Variants in MED27 observed in about 807,000 individuals in gnomAD.
MED27 encodes the protein mediator complex subunit 27.
In MED27, 30 loss-of-function variants were observed where a neutral mutation model predicts 38.2. The observed-to-expected ratio is 0.79, with a 90% confidence interval of 0.59 to 1.07. The LOEUF is 1.07. Among genes scored for constraint, MED27 ranks in the 50% least tolerant of loss-of-function variants. The pLI is 0.00. For missense variants in MED27, 289 were observed against 397.5 expected (o/e 0.73, Z 2.32); for synonymous variants, 122 against 153.5 (o/e 0.79, Z 1.52).
At chr9:131,998,511 C>A (rs1285747573) in intron 3 of MED27, among the ~76,000 whole-genome samples, 1 of 152,128 alleles carries the variant, frequency 6.6e-6, no homozygotes, top group Admixed American at 6.5e-5. Context: ...TCTGGCTCTT[C>A]CAGGTCTGGG....
chr9:132,034,596 C>G (rs1269718365), intron 2 of MED27, among the ~76,000 whole-genome samples: 2 of 152,188 alleles, frequency 1.3e-5, no homozygotes, highest in Non-Finnish European at 2.9e-5. Context: ...AAGAATGGAA[C>G]CTCAGCGCGA....
intron 3 of MED27, among the ~76,000 whole-genome samples, chr9:131,967,395 A>G (rs1401524184): frequency 6.6e-6 from 1 of 152,204 alleles, no homozygotes; most frequent in Non-Finnish European, 1.5e-5. Context: ...AAACTGAAGT[A>G]TAGATTTTAA....
Position 132,069,974 on chromosome 9 carries a change from C to T in MED27, c.348+7468G>A, listed in dbSNP as rs778085061. Among the ~76,000 whole-genome samples, 68 of 152,338 alleles carry T rather than the reference C, an allele frequency of 4.5e-4. 1 individual carries two copies. The highest frequency in any genetic ancestry group is 2.7e-3 in the Admixed American group (41 of 15,306). On this transcript the variant is annotated intron_variant, in intron 2 of 7. Coordinates refer to ENST00000292035, the MANE Select transcript of MED27 (RefSeq NM_004269.4). ...GAATAAAGGACAGTCGCCGCAAGCACGCCACACTGGGCACCGGCCTAGGTC... is the reference window on the plus strand; with the variant it reads ...GAATAAAGGACAGTCGCCGCAAGCATGCCACACTGGGCACCGGCCTAGGTC...
At chr9:132,029,894 G>A (rs917903148) in intron 2 of MED27, among the ~76,000 whole-genome samples, 1 of 152,044 alleles carries the variant, frequency 6.6e-6, no homozygotes, top group Admixed American at 6.5e-5. Context: ...GGGGAGCAGA[G>A]CATGGCCCAA....
intron 2 of MED27, among the ~76,000 whole-genome samples, chr9:132,068,518 C>T (rs920693085): frequency 4.6e-5 from 7 of 152,018 alleles, no homozygotes; most frequent in African/African-American, 1.7e-4. Flanking sequence ...TTGCCCTGAG[C>T]AATAATGGAG....
At position 131,896,931 on chromosome 9, in the gene MED27, C is replaced by T. The variant is rs1025863062; in HGVS notation, c.574-2939G>A. 2.5e-4 allele frequency among the ~76,000 whole-genome samples: 38 copies of T among 152,128 alleles called. 1 individual carries two copies. Among genetic ancestry groups the T allele is most frequent in the African/African-American group, 8.9e-4 (37 of 41,408 alleles). On this transcript the variant is annotated intron_variant, in intron 4 of 7. Coordinates refer to ENST00000292035, the MANE Select transcript of MED27 (RefSeq NM_004269.4). The stretch of plus-strand genomic sequence containing the variant: ...ATTTTTAGTAGAGACGGGGTTTCAC[C>T]ATGTTGACCAGGCTGGTCTTGAACT...
intron 3 of MED27, among the ~76,000 whole-genome samples, chr9:131,980,958 AC>A (rs1831723272): frequency 6.6e-6 from 1 of 152,182 alleles, no homozygotes; most frequent in South Asian, 2.1e-4. Context: ...CAAATTTTTG[AC>A]AGAATTTGCA....
chr9:131,912,048 G>A (rs952185222), intron 4 of MED27, among the ~76,000 whole-genome samples: 1 of 152,142 alleles, frequency 6.6e-6, no homozygotes, highest in Non-Finnish European at 1.5e-5. Context: ...AGGCAAGGGG[G>A]CTAAGCCTAC....
chr9:131,956,948 G>A (rs1364733045), intron 3 of MED27, among the ~76,000 whole-genome samples: 7 of 152,050 alleles, frequency 4.6e-5, no homozygotes, highest in African/African-American at 7.3e-5. Context: ...CACCTAAAAG[G>A]AGGCTCAACA....
At chr9:131,945,564 A>T (rs776755112) in intron 3 of MED27, among the ~76,000 whole-genome samples, 10 of 152,078 alleles carry the variant, frequency 6.6e-5, no homozygotes, top group Non-Finnish European at 1.0e-4. Context: ...TTGAAATTTT[A>T]TATCTTTTGA....
At position 131,926,638 on chromosome 9, in the gene MED27, G is replaced by A. The variant is rs931135465; in HGVS notation, c.573+12743C>T. On this transcript the variant is annotated intron_variant, in intron 4 of 7. Transcript: ENST00000292035. Reference sequence around the variant, plus strand: ...AGCCTGAGCACTATTGAACTCAGTGGAGAAATCAAGGCCCCAAATAATTAA... The same window carrying A: ...AGCCTGAGCACTATTGAACTCAGTGAAGAAATCAAGGCCCCAAATAATTAA... Among the ~76,000 whole-genome samples the A allele has an allele frequency of 2.0e-5, 3 of 152,220 alleles. No individual in the cohort carries two copies. In the East Asian group the frequency reaches 5.8e-4, roughly 29 times the overall value.
intron 4 of MED27, among the ~76,000 whole-genome samples, chr9:131,897,861 G>C (rs1829860707): frequency 6.6e-6 from 1 of 152,196 alleles, no homozygotes. Flanking sequence ...GCTCGTATCA[G>C]GATCCAAATA....
At chr9:131,950,444 T>C (rs948968909) in intron 3 of MED27, among the ~76,000 whole-genome samples, 1 of 152,208 alleles carries the variant, frequency 6.6e-6, no homozygotes, top group African/African-American at 2.4e-5. Context: ...TGGCACCTCT[T>C]GGCAATGCTC....
At chr9:131,891,929 C>T (rs991328047) in intron 5 of MED27, among the ~76,000 whole-genome samples, 6 of 152,162 alleles carry the variant, frequency 3.9e-5, no homozygotes, top group South Asian at 4.2e-4. Context: ...CAGCCTAGAC[C>T]GGCGGGATGA....
At position 132,079,694 on chromosome 9, in the gene MED27, C is replaced by T. The variant is rs755215179; in HGVS notation, c.151G>A (p.Ala51Thr). 36 of 1,613,142 alleles carry T rather than the reference C, an allele frequency of 2.2e-5. No homozygotes were observed. Among genetic ancestry groups the T allele is most frequent in the African/African-American group, 9.3e-5 (7 of 74,900 alleles). Reference protein sequence around the residue: ...NKETLEGREKAFIAHFQDNLH... With the variant: ...NKETLEGREKTFIAHFQDNLH... ...TTGTCCTGGAAGTGCGCAATAAAGGCCTTCTCCCGGCCCTCCAGCGTCTCC... is the reference window on the plus strand; with the variant it reads ...TTGTCCTGGAAGTGCGCAATAAAGGTCTTCTCCCGGCCCTCCAGCGTCTCC... Residue 51 changes from alanine (A) to threonine (T), a missense_variant, in exon 1 of 8, where the codon GCC (alanine) becomes ACC (threonine). By Grantham distance (58) the Ala-to-Thr change is moderately conservative. Coordinates refer to ENST00000292035, the MANE Select transcript of MED27 (RefSeq NM_004269.4).
intron 3 of MED27, among the ~76,000 whole-genome samples, chr9:131,965,891 T>C (rs1831328471): frequency 6.6e-6 from 1 of 151,850 alleles, no homozygotes; most frequent in South Asian, 2.1e-4. Flanking sequence ...AATTCTCTTT[T>C]TAAATTAACA....
At chr9:131,884,179 A>G (rs1564268018) in intron 5 of MED27, 80 bp from the exon 6 acceptor site, 7 of 1,117,592 alleles carry the variant, frequency 6.3e-6, no homozygotes, top group Non-Finnish European at 8.9e-6. Context: ...AACTACTGTT[A>G]ACCCTTCTTA....
rs545701056 is a variant in MED27 at position 132,001,822 on chromosome 9, C to A, written c.479+12515G>T. Among the ~76,000 whole-genome samples the A allele has an allele frequency of 1.2e-3, 184 of 152,352 alleles. 4 individuals are homozygous for A. Among genetic ancestry groups the A allele is most frequent in the Admixed American group, 0.012 (182 of 15,308 alleles). Reference sequence around the variant, plus strand: ...ACAACTCTTGGCCCAGAGCCTCCATCGCTGGAGCAATCCTCGTACCCCTTC... The same window carrying A: ...ACAACTCTTGGCCCAGAGCCTCCATAGCTGGAGCAATCCTCGTACCCCTTC... On this transcript the variant is annotated intron_variant, in intron 3 of 7. Transcript: ENST00000292035.
intron 6 of MED27, 141 bp from the exon 7 acceptor site, chr9:131,863,281 A>G (rs1838681734): frequency 1.5e-6 from 1 of 689,404 alleles, no homozygotes. Context: ...AAATCTCTGT[A>G]GAAAAATTAG....
Sources: gnomAD v4.1 joint callset for allele counts (sites outside exome capture counted in the v4.1 genomes callset) on GRCh38, gnomAD v4.1.1 for gene constraint, MANE v1.5 for transcripts, NCBI Gene and HGNC (gene_info 2026-07-23, HGNC 2026-07-21) for gene names.